DYNC2H1: variants seen among roughly 807,000 people sequenced by gnomAD.
DYNC2H1 encodes cytoplasmic dynein 2 heavy chain 1.
A neutral mutation model predicts 570.0 loss-of-function variants in DYNC2H1; 410 were observed. The observed-to-expected ratio is 0.72, with a 90% CI of 0.66 to 0.78. The LOEUF is 0.78. Among genes scored for constraint, DYNC2H1 ranks in the 30% least tolerant of loss-of-function variants. The probability of loss-of-function intolerance (pLI) is 0.00; values close to 1 mark genes in which losing one functional copy is unlikely to be tolerated. For synonymous variants in DYNC2H1, 1,688 were observed against 1,677.6 expected (o/e 1.01, Z -0.15); for missense variants, 4,865 against 5,046.4 (o/e 0.96, Z 1.09).
chr11:103,122,429 T>A (rs1374849053), intron 10 of DYNC2H1, among the ~76,000 whole-genome samples: 1 of 152,256 alleles, frequency 6.6e-6, no homozygotes, highest in Non-Finnish European at 1.5e-5. Context: ...CCCTTTGGCC[T>A]AATTACTATT....
chr11:103,263,156 A>G (rs553135090), intron 70 of DYNC2H1, among the ~76,000 whole-genome samples: 3 of 152,172 alleles, frequency 2.0e-5, no homozygotes, highest in African/African-American at 7.2e-5. Flanking sequence ...AGAAGAGCTA[A>G]CTATGCTAAA....
chr11:103,263,583 A>C (rs1865397593), intron 70 of DYNC2H1, among the ~76,000 whole-genome samples: 1 of 152,216 alleles, frequency 6.6e-6, no homozygotes, highest in African/African-American at 2.4e-5. Context: ...AACTACATGG[A>C]AACTGAACAA....
intron 65 of DYNC2H1, among the ~76,000 whole-genome samples, chr11:103,247,144 T>C (rs1386529852): frequency 1.3e-5 from 2 of 151,972 alleles, no homozygotes; most frequent in Non-Finnish European, 2.9e-5. Flanking sequence ...GCTAGTGTAG[T>C]TGGCTAATAG....
chr11:103,255,105 A>G (rs954096800), intron 66 of DYNC2H1, among the ~76,000 whole-genome samples: 1 of 152,144 alleles, frequency 6.6e-6, no homozygotes, highest in Admixed American at 6.6e-5. Flanking sequence ...TTACTATTAA[A>G]AAAATAGTAA....
At chr11:103,295,646 T>C (rs1866790734) in intron 75 of DYNC2H1, among the ~76,000 whole-genome samples, 1 of 152,190 alleles carries the variant, frequency 6.6e-6, no homozygotes, top group Admixed American at 6.5e-5. Flanking sequence ...GTGAAGGTTA[T>C]GAAATAAGCC....
Position 103,163,175 on chromosome 11 carries a change from A to G in DYNC2H1, c.4611+28A>G. The G allele has an allele frequency of 6.3e-7, 1 of 1,597,020 alleles. No individual in the cohort carries two copies. On this transcript the variant is annotated intron_variant, in intron 30 of 88. Coordinates refer to ENST00000375735, the MANE Select transcript of DYNC2H1 (RefSeq NM_001377.3). The surrounding 1 kb of genome is among the most constrained non-coding windows in gnomAD (Gnocchi z 4.6). ...AAGGGGGCTTACGTGTAGAAGCTAC[A>G]TAGGCATGGAACGTGGAAAGATCCC... is the stretch of plus-strand genomic sequence containing the variant.
chr11:103,238,138 G>A (rs1325124165), intron 63 of DYNC2H1, among the ~76,000 whole-genome samples: 1 of 152,088 alleles, frequency 6.6e-6, no homozygotes, highest in East Asian at 1.9e-4. Context: ...CACGTAATCT[G>A]TAACATCAAC....
rs531734017 is a variant in DYNC2H1 at position 103,223,705 on chromosome 11, C to T, written c.9353+619C>T. On this transcript the variant is annotated intron_variant, in intron 59 of 88. Transcript: ENST00000375735. ...CTGGCCAAGGAATAATGTTAAAGTACGAAAGGAAAGCTTTGGAAATTTAAG... is the reference window on the plus strand; with the variant it reads ...CTGGCCAAGGAATAATGTTAAAGTATGAAAGGAAAGCTTTGGAAATTTAAG... Among the ~76,000 whole-genome samples, 10 of 150,344 alleles carry T rather than the reference C, an allele frequency of 6.7e-5. No individual in the cohort carries two copies. The South Asian group carries it at 2.1e-3, about 32-fold the overall frequency.
rs1937853876 is a variant in DYNC2H1 at position 103,316,538 on chromosome 11, T to C, written c.11650-7T>C. 7.1e-6 allele frequency: 11 copies of C among 1,540,424 alleles called. No individual in the cohort carries two copies. The highest frequency in any genetic ancestry group is 9.6e-6 in the Non-Finnish European group (11 of 1,144,400). ...GTTGTTTACTTAAAAAAATTGTTTTTTGACAGGGTTGGACAAAGTTTTATG... is the reference window on the plus strand; with the variant it reads ...GTTGTTTACTTAAAAAAATTGTTTTCTGACAGGGTTGGACAAAGTTTTATG... On this transcript the variant is annotated splice_region_variant and splice_polypyrimidine_tract_variant and intron_variant, in intron 79 of 88. Coordinates refer to ENST00000375735, the MANE Select transcript of DYNC2H1 (RefSeq NM_001377.3).
At chr11:103,450,104 A>C (rs1293276201) in intron 85 of DYNC2H1, among the ~76,000 whole-genome samples, 1 of 152,228 alleles carries the variant, frequency 6.6e-6, no homozygotes, top group Non-Finnish European at 1.5e-5. Flanking sequence ...TACTAACCAG[A>C]GATAACAAAG....
At chr11:103,323,865 T>G (rs765609235) in intron 81 of DYNC2H1, 21 bp from the exon 82 acceptor site, 9 of 1,582,940 alleles carry the variant, frequency 5.7e-6, no homozygotes, top group Non-Finnish European at 7.8e-6. Context: ...AAAAAACTGT[T>G]TTTCACTTCT....
At chr11:103,251,322 T>C (rs189039561) in intron 65 of DYNC2H1, among the ~76,000 whole-genome samples, 1 of 152,238 alleles carries the variant, frequency 6.6e-6, no homozygotes, top group Admixed American at 6.6e-5. Context: ...GATATTAGAG[T>C]GGTTACACAA....
chr11:103,473,813 G>C (rs1209686692), intron 88 of DYNC2H1, among the ~76,000 whole-genome samples: 2 of 152,212 alleles, frequency 1.3e-5, no homozygotes, highest in Admixed American at 6.5e-5. Context: ...CAGTAACACA[G>C]TAGTCCTGAG....
intron 4 of DYNC2H1, among the ~76,000 whole-genome samples, chr11:103,115,518 C>T (rs951188699): frequency 1.3e-5 from 2 of 152,100 alleles, no homozygotes; most frequent in Admixed American, 6.5e-5. Context: ...AAAATTACGC[C>T]TGGGCATGGT....
chr11:103,119,485 G>A (rs1362653861), intron 6 of DYNC2H1, among the ~76,000 whole-genome samples: 5 of 152,174 alleles, frequency 3.3e-5, no homozygotes, highest in African/African-American at 1.2e-4. Flanking sequence ...GACTACAGGT[G>A]CACGCCACCA....
At chr11:103,302,378 A>G (rs1443571060) in intron 75 of DYNC2H1, among the ~76,000 whole-genome samples, 1 of 152,080 alleles carries the variant, frequency 6.6e-6, no homozygotes, top group Non-Finnish European at 1.5e-5. Flanking sequence ...TGTTACAATT[A>G]TTATACTTAT....
intron 48 of DYNC2H1, among the ~76,000 whole-genome samples, chr11:103,198,670 G>C (rs895477766): frequency 6.6e-6 from 1 of 152,144 alleles, no homozygotes; most frequent in Non-Finnish European, 1.5e-5. Context: ...GATTCGCCTG[G>C]AATGGATGTT....
rs534491949 is a variant in DYNC2H1, at chr11:103,288,685, A to G, written c.11095+1080A>G. 7.3e-3 allele frequency among the ~76,000 whole-genome samples: 401 copies of G among 55,236 alleles called. 2 individuals carry two copies. The highest frequency in any genetic ancestry group is 0.022 in the African/African-American group (381 of 17,668). The allele number at this position is 55,236 out of a possible 152,430, so 36.2% of individuals were successfully genotyped here. ...TACATGGTGAAACCCCGTCTCTACTAAAAAAAAAAAAAAAAAAAAAAAAAA... is the reference window on the plus strand; with the variant it reads ...TACATGGTGAAACCCCGTCTCTACTGAAAAAAAAAAAAAAAAAAAAAAAAA... On this transcript the variant is annotated intron_variant, in intron 75 of 88. Coordinates refer to ENST00000375735, the MANE Select transcript of DYNC2H1 (RefSeq NM_001377.3).
intron 88 of DYNC2H1, among the ~76,000 whole-genome samples, chr11:103,469,696 A>G (rs1945311426): frequency 6.6e-6 from 1 of 152,160 alleles, no homozygotes; most frequent in African/African-American, 2.4e-5. Flanking sequence ...TATCAGCTTC[A>G]TTTTCTCCAA....
Sources: allele counts gnomAD v4.1 joint callset (sites outside exome capture counted in the v4.1 genomes callset), GRCh38; gene constraint gnomAD v4.1.1; non-coding constraint Gnocchi (gnomAD v3.1); transcripts MANE v1.5; gene names NCBI Gene and HGNC (gene_info 2026-07-23, HGNC 2026-07-21).